FBN1: variants seen among roughly 807,000 people sequenced by gnomAD.
FBN1 encodes the protein fibrillin-1.
FBN1 carries 29 observed loss-of-function variants against 365.1 expected under a neutral mutation model. That is an observed-to-expected ratio of 0.08 (90% CI 0.06 to 0.11). The LOEUF is 0.11. Ranked by LOEUF, FBN1 falls within the 10% of genes least tolerant of loss-of-function variation. The probability of loss-of-function intolerance (pLI) is 1.00; values close to 1 mark genes in which losing one functional copy is unlikely to be tolerated. For synonymous variants in FBN1, 1,210 were observed against 1,270.5 expected, an observed-to-expected ratio of 0.95 and a Z score of 1.01; for missense variants, 2,476 against 3,703.2, an observed-to-expected ratio of 0.67 and a Z score of 8.60.
intron 63 of FBN1, among the ~76,000 whole-genome samples, chr15:48,418,144 A>G (rs973637712): frequency 1.3e-5 from 2 of 152,256 alleles, no homozygotes; most frequent in Non-Finnish European, 2.9e-5. Flanking sequence ...GACATTTCTA[A>G]GTATTAAAAG....
At chr15:48,455,214 C>A (rs1392471855) in intron 44 of FBN1, among the ~76,000 whole-genome samples, 1 of 152,218 alleles carries the variant, frequency 6.6e-6, no homozygotes, top group African/African-American at 2.4e-5. Flanking sequence ...GAAGTTGGAG[C>A]ACTTAGTTAT....
Position 48,488,487 on chromosome 15 carries a change from T to C in FBN1, c.3089A>G (p.Asn1030Ser), listed in dbSNP as rs375996640. Reference sequence around the variant, plus strand: ...GAGGCTGGGTATCATCTTGCACTCATTGATATCTTCAAGAATAAGAAAATG... The same window carrying C: ...GAGGCTGGGTATCATCTTGCACTCACTGATATCTTCAAGAATAAGAAAATG... ...TNGKPFFKDI[N>S]ECKMIPSLCT... The change falls in exon 26 of 66, where the codon AAT (asparagine) becomes AGT (serine). Residue 1030 changes from asparagine (N) to serine (S), a missense_variant. Transcript: ENST00000316623. The C allele has an allele frequency of 1.1e-4, 183 of 1,613,814 alleles. 3 individuals are homozygous for C. In the South Asian group the frequency reaches 1.8e-3, roughly 16 times the overall value.
chr15:48,460,419 G>A (rs368745534), intron 42 of FBN1, 102 bp from the exon 43 acceptor site: 1 of 752,960 alleles, frequency 1.3e-6, no homozygotes, highest in Middle Eastern at 2.3e-4. Context: ...AAAGGTATTT[G>A]TCTGTAGTTT....
intron 6 of FBN1, among the ~76,000 whole-genome samples, chr15:48,580,319 C>T (rs2140685965): frequency 6.6e-6 from 1 of 152,280 alleles, no homozygotes; most frequent in South Asian, 2.1e-4. Flanking sequence ...CACTATGAAA[C>T]ACGTGGTAGA....
intron 44 of FBN1, 24 bp downstream of exon 44, chr15:48,456,613 T>C (rs377721170): frequency 2.7e-5 from 44 of 1,612,272 alleles, no homozygotes; most frequent in East Asian, 2.0e-4. Context: ...TTTCTGGATA[T>C]GATAAAGTCA....
chr15:48,620,500 T>C (rs972328117), intron 2 of FBN1, among the ~76,000 whole-genome samples: 9 of 152,222 alleles, frequency 5.9e-5, no homozygotes, highest in Non-Finnish European at 8.8e-5. Flanking sequence ...TAAATTCATA[T>C]GTTAATAAAC....
rs890624461 is a variant in FBN1 at position 48,435,691 on chromosome 15, CAT to C, written c.6497-980_6497-979del. Among the ~76,000 whole-genome samples the C allele has an allele frequency of 2.4e-4, 13 of 55,040 alleles. 1 individual carries two copies. Among genetic ancestry groups the C allele is most frequent in the Admixed American group, 1.9e-3 (11 of 5,674 alleles). 36.1% of individuals were successfully genotyped at this position (55,040 alleles called of 152,430 possible). A position where few individuals can be genotyped will look rare whatever the true frequency, so the allele number is the denominator to read the frequency against. On this transcript the variant is annotated intron_variant, in intron 53 of 65. Coordinates refer to ENST00000316623, the MANE Select transcript of FBN1 (RefSeq NM_000138.5). ...ATGTGTGTGTGTGTGTGTGTGTGTG[CAT>C]GTGTGTGTGTATATATATGTGTGTA... is the stretch of plus-strand genomic sequence containing the variant.
At chr15:48,498,957 G>A in intron 18 of FBN1, 28 bp downstream of exon 18, 1 of 1,609,046 alleles carries the variant, frequency 6.2e-7, no homozygotes, top group East Asian at 2.2e-5. Context: ...ACATACTGAA[G>A]GTAGTAAATT....
intron 8 of FBN1, 87 bp from the exon 9 acceptor site, chr15:48,526,342 T>C (rs1347608956): frequency 2.8e-5 from 39 of 1,386,932 alleles, no homozygotes; most frequent in Non-Finnish European, 3.9e-5. Flanking sequence ...TTAACACTAG[T>C]CAAATCATGT....
At chr15:48,537,567 C>A (rs2044023378) in intron 7 of FBN1, 44 bp downstream of exon 7, 1 of 1,609,530 alleles carries the variant, frequency 6.2e-7, no homozygotes, top group Admixed American at 1.7e-5. Context: ...CTCTCCAGAG[C>A]AAATAAGATT....
chr15:48,509,877 G>A (rs1305062481), intron 14 of FBN1, among the ~76,000 whole-genome samples, 167 bp downstream of exon 14: 2 of 152,134 alleles, frequency 1.3e-5, no homozygotes, highest in African/African-American at 2.4e-5. Context: ...TCACACAAAT[G>A]TAAATTAAGA....
intron 6 of FBN1, among the ~76,000 whole-genome samples, chr15:48,560,196 T>G (rs1173477863): frequency 6.6e-6 from 1 of 152,152 alleles, no homozygotes; most frequent in East Asian, 1.9e-4. Flanking sequence ...GAGCCAGGCA[T>G]GAGACAAAGC....
Position 48,412,747 on chromosome 15 carries a change from C to A in FBN1, c.8052-4G>T. The stretch of plus-strand genomic sequence containing the variant: ...GCCCATTCCAGAAACACAGTGCCTG[C>A]AGCAGAAGGGGAGCATAGATGTTTT... On this transcript the variant is annotated splice_polypyrimidine_tract_variant and splice_region_variant and intron_variant, in intron 64 of 65. Coordinates refer to ENST00000316623, the MANE Select transcript of FBN1 (RefSeq NM_000138.5). 1 of 1,614,042 alleles carries A rather than the reference C, an allele frequency of 6.2e-7. No homozygotes were observed. Among genetic ancestry groups the A allele is most frequent in the Non-Finnish European group, 8.5e-7 (1 of 1,180,018 alleles).
At chr15:48,584,305 T>C (rs1403152197) in intron 6 of FBN1, among the ~76,000 whole-genome samples, 1 of 152,140 alleles carries the variant, frequency 6.6e-6, no homozygotes, top group East Asian at 1.9e-4. Flanking sequence ...ATCCAGCAAG[T>C]AGCAAGATTT....
Position 48,596,027 on chromosome 15 carries a change from A to G in FBN1, c.538+256T>C, listed in dbSNP as rs74012211. 0.014 allele frequency among the ~76,000 whole-genome samples: 2,159 copies of G among 152,322 alleles called. 49 individuals carry two copies. The highest frequency in any genetic ancestry group is 0.05 in the African/African-American group (2,076 of 41,550). On this transcript the variant is annotated intron_variant, in intron 6 of 65. Transcript: ENST00000316623. ...GATGCCAACTGGTAATTATGTATAC[A>G]CTCATAACTGAGTACCACCAAATTA...
At chr15:48,448,660 T>C (rs1256991260) in intron 46 of FBN1, 108 bp downstream of exon 46, 1 of 1,078,180 alleles carries the variant, frequency 9.3e-7, no homozygotes, top group Non-Finnish European at 1.3e-6. Context: ...TTATTTTGTA[T>C]ATAGCAAAAA....
intron 32 of FBN1, among the ~76,000 whole-genome samples, chr15:48,480,928 G>A (rs2043460509): frequency 6.6e-6 from 1 of 152,014 alleles, no homozygotes; most frequent in Admixed American, 6.6e-5. Flanking sequence ...TCATTCCATG[G>A]ACTTAATGTC....
At chr15:48,502,213 C>T (rs933355100) in intron 17 of FBN1, among the ~76,000 whole-genome samples, 14 of 151,794 alleles carry the variant, frequency 9.2e-5, no homozygotes, top group African/African-American at 1.4e-4. Context: ...TTTGTTTGTT[C>T]GTTTGTATTT....
At chr15:48,502,902 G>A (rs1419328379) in intron 17 of FBN1, among the ~76,000 whole-genome samples, 1 of 152,136 alleles carries the variant, frequency 6.6e-6, no homozygotes, top group Non-Finnish European at 1.5e-5. Flanking sequence ...TGTTGATGGA[G>A]GAAGAGAATT....
Sources: gnomAD v4.1 joint callset for allele counts (sites outside exome capture counted in the v4.1 genomes callset) on GRCh38, gnomAD v4.1.1 for gene constraint, MANE v1.5 for transcripts, NCBI Gene and HGNC (gene_info 2026-07-23, HGNC 2026-07-21) for gene names.